The following ZNF521 variants were observed in gnomAD, a reference collection of about 807,000 sequenced individuals.
ZNF521 encodes LYST-interacting protein 3.
In ZNF521, 14 loss-of-function variants were observed where a neutral mutation model predicts 105.5. The ratio of observed to expected loss-of-function variants is 0.13; its 90% confidence interval spans 0.09 to 0.21. The LOEUF (loss-of-function observed/expected upper bound fraction) is 0.21. ZNF521 is among the 10% of genes least tolerant of loss of function. The probability of loss-of-function intolerance (pLI) is 1.00; values close to 1 mark genes in which losing one functional copy is unlikely to be tolerated. For missense variants in ZNF521, 1,233 were observed against 1,629.7 expected, an observed-to-expected ratio of 0.76 and a Z score of 4.19; for synonymous variants, 635 against 606.0, an observed-to-expected ratio of 1.05 and a Z score of -0.70.
At chr18:25,192,211 T>C (rs940977240) in intron 5 of ZNF521, among the ~76,000 whole-genome samples, 4 of 152,184 alleles carry the variant, frequency 2.6e-5, no homozygotes, top group Admixed American at 1.3e-4. Context: ...TTTTCCTTAA[T>C]AGACATAAGT....
intron 5 of ZNF521, among the ~76,000 whole-genome samples, chr18:25,106,130 G>T (rs1247856908): frequency 2.0e-5 from 3 of 152,166 alleles, no homozygotes; most frequent in African/African-American, 4.8e-5. Context: ...TTATGGGTGA[G>T]AAAACTGATA....
chr18:25,098,462 A>C (rs1406552482), intron 5 of ZNF521, among the ~76,000 whole-genome samples: 4 of 152,202 alleles, frequency 2.6e-5, no homozygotes, highest in South Asian at 4.1e-4. Flanking sequence ...TTAAAAAAAA[A>C]CTGCAAACAC....
At chr18:25,216,680 T>A (rs187583134) in intron 4 of ZNF521, among the ~76,000 whole-genome samples, 1 of 152,140 alleles carries the variant, frequency 6.6e-6, no homozygotes, top group Admixed American at 6.5e-5. Context: ...CACTTCAGCC[T>A]CCTGAGTAGC....
At chr18:25,310,115 C>G (rs553706905) in intron 3 of ZNF521, among the ~76,000 whole-genome samples, 2 of 152,172 alleles carry the variant, frequency 1.3e-5, no homozygotes, top group East Asian at 3.9e-4. Context: ...CAGCAGAAAA[C>G]CAACATGTCT....
chr18:25,108,243 G>C (rs2034112607), intron 5 of ZNF521, among the ~76,000 whole-genome samples: 1 of 152,058 alleles, frequency 6.6e-6, no homozygotes, highest in Admixed American at 6.5e-5. Context: ...TATACTTAAA[G>C]TATATGCAAT....
rs796852654 is a variant in ZNF521, at chr18:25,198,125, C to CT, written c.3574-2882dup. Among the ~76,000 whole-genome samples the CT allele has an allele frequency of 1.6e-4, 24 of 150,962 alleles. 1 individual carries two copies. The highest frequency in any genetic ancestry group is 5.3e-4 in the African/African-American group (22 of 41,198). On this transcript the variant is annotated intron_variant, in intron 4 of 7. Coordinates refer to ENST00000361524, the MANE Select transcript of ZNF521 (RefSeq NM_015461.3). ...TAATTTAGTACATTTTTAAAAGAGA[C>CT]TTTTTTTTTCATTAGCCTTTTTAAA...
intron 5 of ZNF521, among the ~76,000 whole-genome samples, chr18:25,094,483 TTCTA>T (rs1254782275): frequency 1.3e-5 from 2 of 152,114 alleles, no homozygotes; most frequent in African/African-American, 2.4e-5. Context: ...TTTCTACATA[TTCTA>T]TCTTTTATTT....
At chr18:25,295,457 C>G (rs1343444324) in intron 3 of ZNF521, among the ~76,000 whole-genome samples, 1 of 152,034 alleles carries the variant, frequency 6.6e-6, no homozygotes, top group Non-Finnish European at 1.5e-5. Flanking sequence ...TTAAAAATAA[C>G]TAAAAGGGTA....
At chr18:25,144,744 A>G (rs2034911620) in intron 5 of ZNF521, among the ~76,000 whole-genome samples, 1 of 152,208 alleles carries the variant, frequency 6.6e-6, no homozygotes, top group Non-Finnish European at 1.5e-5. Flanking sequence ...ATATTTATTG[A>G]AACTATTCAA....
intron 5 of ZNF521, among the ~76,000 whole-genome samples, chr18:25,098,088 A>G (rs958368416): frequency 3.9e-5 from 6 of 152,134 alleles, no homozygotes; most frequent in Non-Finnish European, 7.3e-5. Context: ...CTGAGATGCA[A>G]TATCGTCCAA....
chr18:25,064,968 T>C (rs942636587), intron 7 of ZNF521, among the ~76,000 whole-genome samples: 1 of 152,200 alleles, frequency 6.6e-6, no homozygotes, highest in Non-Finnish European at 1.5e-5. Context: ...TTTTTAATAC[T>C]TCTGAAAAGT....
chr18:25,063,691 C>G (rs1231957389), intron 7 of ZNF521, among the ~76,000 whole-genome samples: 1 of 152,112 alleles, frequency 6.6e-6, no homozygotes, highest in African/African-American at 2.4e-5. Flanking sequence ...CGCCAGGAAC[C>G]AGGCCTGGAT....
intron 3 of ZNF521, among the ~76,000 whole-genome samples, chr18:25,288,896 C>T (rs1178747544): frequency 6.6e-6 from 1 of 152,212 alleles, no homozygotes; most frequent in East Asian, 1.9e-4. Flanking sequence ...TTGCTCCAAA[C>T]ACTTTGGTCA....
At chr18:25,128,748 A>G (rs1354022815) in intron 5 of ZNF521, among the ~76,000 whole-genome samples, 2 of 152,036 alleles carry the variant, frequency 1.3e-5, no homozygotes, top group Non-Finnish European at 2.9e-5. Context: ...CTAATGATAT[A>G]TGTACAAGGT....
At chr18:25,233,237 A>G (rs951147951) in intron 3 of ZNF521, among the ~76,000 whole-genome samples, 1 of 152,328 alleles carries the variant, frequency 6.6e-6, no homozygotes, top group African/African-American at 2.4e-5. Context: ...CATGCTAAAA[A>G]AAAACTATTA....
intron 6 of ZNF521, among the ~76,000 whole-genome samples, chr18:25,090,099 A>T (rs936967679): frequency 5.3e-5 from 8 of 152,324 alleles, no homozygotes; most frequent in African/African-American, 1.9e-4. Flanking sequence ...TTTAAGATCA[A>T]CTCAGCCTAC....
At chr18:25,190,248 G>A (rs191334211) in intron 5 of ZNF521, among the ~76,000 whole-genome samples, 280 of 151,600 alleles carry the variant, frequency 1.8e-3, no homozygotes, top group Non-Finnish European at 3.1e-3. Flanking sequence ...AATCAAATAA[G>A]GATTTTTTTT....
At chr18:25,114,613 G>A (rs1163275656) in intron 5 of ZNF521, among the ~76,000 whole-genome samples, 1 of 152,068 alleles carries the variant, frequency 6.6e-6, no homozygotes, top group Admixed American at 6.6e-5. Flanking sequence ...TGCACTCCAC[G>A]AAATAAATCA....
intron 7 of ZNF521, among the ~76,000 whole-genome samples, chr18:25,086,517 T>C (rs759545557): frequency 6.6e-6 from 1 of 152,132 alleles, no homozygotes; most frequent in Non-Finnish European, 1.5e-5. Flanking sequence ...TTATTGAGGA[T>C]TTCAGAAACT....
Sources: allele counts gnomAD v4.1 joint callset (sites outside exome capture counted in the v4.1 genomes callset), GRCh38; gene constraint gnomAD v4.1.1; transcripts MANE v1.5; gene names NCBI Gene and HGNC (gene_info 2026-07-23, HGNC 2026-07-21).